The following IL10RA variants were observed in gnomAD, a reference collection of about 807,000 sequenced individuals.
IL10RA encodes interleukin-10 receptor subunit alpha.
In IL10RA, 18 loss-of-function variants were observed where a neutral mutation model predicts 29.6. The ratio of observed to expected loss-of-function variants is 0.61; its 90% CI spans 0.42 to 0.90. The LOEUF is 0.90. IL10RA is among the 40% of genes least tolerant of loss of function. The pLI is 0.00. For synonymous variants in IL10RA, 292 were observed against 294.1 expected, an observed-to-expected ratio of 0.99 and a Z score of 0.07; for missense variants, 634 against 716.6, an observed-to-expected ratio of 0.88 and a Z score of 1.32.
chr11:117,993,000 G>A, intron 3 of IL10RA: 2 of 533,614 alleles, frequency 3.7e-6, no homozygotes, highest in Admixed American at 6.5e-5. Flanking sequence ...TCAATTGTGG[G>A]TTTATTTCTG....
At chr11:117,991,035 A>G (rs542823429) in intron 3 of IL10RA, among the ~76,000 whole-genome samples, 1 of 152,244 alleles carries the variant, frequency 6.6e-6, no homozygotes, top group East Asian at 1.9e-4. Context: ...CATCTCTTCT[A>G]AAAATACAAA....
downstream of IL10RA, chr11:118,002,293 A>G (rs1407747355): frequency 6.6e-6 from 1 of 152,100 alleles, no homozygotes; most frequent in Non-Finnish European, 1.5e-5. Flanking sequence ...GGGACACCTC[A>G]CCTCTTTTCC....
chr11:117,999,638 G>C lies in IL10RA; in HGVS notation c.1734G>C (p.Glu578Asp), dbSNP rs776586591. 5 of 1,613,276 alleles carry C rather than the reference G, an allele frequency of 3.1e-6. No individual in the cohort carries two copies. The highest frequency in any genetic ancestry group is 4.2e-6 in the Non-Finnish European group (5 of 1,179,352). ...LPLISSLQSS[E>D] is the part of the protein sequence containing the mutation. ...TCATCTCTAGCCTGCAGTCAAGTGA[G>C]TGACTCGGGCTGAGAGGCTGCTTTT... The change falls in exon 7 of 7, where the codon GAG (glutamate) becomes GAC (aspartate). Residue 578 changes from glutamate to aspartate, a missense_variant. By Grantham distance (45) the Glu-to-Asp change is conservative (BLOSUM62 2). Transcript: ENST00000227752.
intron 2 of IL10RA, 57 bp downstream of exon 2, chr11:117,988,559 A>C (rs981426690): frequency 3.7e-6 from 6 of 1,600,322 alleles, no homozygotes; most frequent in Middle Eastern, 1.7e-4. Flanking sequence ...CTTGTCCTCT[A>C]CTCTCCTAGC....
At chr11:117,986,907 CT>C (rs1206898148) in intron 1 of IL10RA, 6 of 1,168,772 alleles carry the variant, frequency 5.1e-6, no homozygotes, top group Non-Finnish European at 6.9e-6. Context: ...ACTCTCCCTT[CT>C]CTTAGTCGAC....
At chr11:117,995,431 C>T (rs544773643) in intron 5 of IL10RA, 158 bp from the exon 6 acceptor site, 2 of 890,992 alleles carry the variant, frequency 2.2e-6, no homozygotes, top group Admixed American at 3.7e-5. Context: ...TTCGCAGAAA[C>T]CTAGACACAT....
rs946821158 is a variant in IL10RA, at chr11:117,999,568, G to A, written c.1664G>A (p.Gly555Asp). 5 of 1,614,080 alleles carry A rather than the reference G, an allele frequency of 3.1e-6. No homozygotes were observed. Among genetic ancestry groups the A allele is most frequent in the South Asian group, 1.1e-5 (1 of 91,092 alleles). The change falls in exon 7 of 7, where the codon GGT (glycine) becomes GAT (aspartate). Residue 555 changes from glycine (G) to aspartate (D), a missense_variant. By Grantham distance (94) the Gly-to-Asp change is moderately conservative (BLOSUM62 -1). Coordinates refer to ENST00000227752, the MANE Select transcript of IL10RA (RefSeq NM_001558.4). ...CCTCTAGGCTGTGTGGCAGCCCCAGGTGGTCTCCTGGGCAGCTTTAACTCA... is the reference window on the plus strand; with the variant it reads ...CCTCTAGGCTGTGTGGCAGCCCCAGATGGTCTCCTGGGCAGCTTTAACTCA... ...LAPLGCVAAP[G>D]GLLGSFNSDL... is the part of the protein sequence containing the mutation.
intron 6 of IL10RA, among the ~76,000 whole-genome samples, chr11:117,998,149 A>G (rs1374431142): frequency 6.6e-6 from 1 of 152,192 alleles, no homozygotes; most frequent in Non-Finnish European, 1.5e-5. Context: ...CTACTCGGGG[A>G]ATAGAAAACT....
intron 1 of IL10RA, 107 bp downstream of exon 1, chr11:117,986,641 C>T (rs969059122): frequency 6.5e-7 from 1 of 1,539,538 alleles, no homozygotes; most frequent in African/African-American, 1.4e-5. Flanking sequence ...TCTGGCAGAG[C>T]GGTGCCCGGG....
At chr11:117,986,735 T>A in intron 1 of IL10RA, 1 of 1,533,508 alleles carries the variant, frequency 6.5e-7, no homozygotes. Context: ...AACTGACGGA[T>A]TGGGAAGGAT....
chr11:117,999,319 G>T lies in IL10RA; in HGVS notation c.1415G>T (p.Gly472Val), dbSNP rs758014559. ...GAGGAAGAATCGCCCTTGACAGATG[G>T]CCTTGGCCCCAAATTCGGGAGATGC... is the stretch of plus-strand genomic sequence containing the variant. ...CLEEESPLTDGLGPKFGRCLV... is the reference protein window; with the variant it reads ...CLEEESPLTDVLGPKFGRCLV... The change falls in exon 7 of 7, where the codon GGC becomes GTC. Residue 472 changes from glycine (G) to valine (V), a missense_variant. Transcript: ENST00000227752. 1 of 1,614,120 alleles carries T rather than the reference G, an allele frequency of 6.2e-7. No individual in the cohort carries two copies. The highest frequency in any genetic ancestry group is 1.3e-5 in the African/African-American group (1 of 74,956).
intron 1 of IL10RA, 31 bp downstream of exon 1, chr11:117,986,565 C>T (rs2134979223): frequency 6.5e-7 from 1 of 1,550,052 alleles, no homozygotes; most frequent in East Asian, 2.4e-5. Flanking sequence ...CCTTCCCTGC[C>T]CTGCCCTCTC....
rs1292016629 is a variant in IL10RA at position 117,999,914 on chromosome 11, G to A, written c.*273G>A. ...ACTCTGGCAGAGCTGAGAAGGGCAG[G>A]GACCTTCTCCCTCCTAGGAACTCTT... is the stretch of plus-strand genomic sequence containing the variant. On this transcript the variant is annotated 3_prime_UTR_variant, in exon 7 of 7. Transcript: ENST00000227752. 1 of 643,686 alleles carries A rather than the reference G, an allele frequency of 1.6e-6. No homozygotes were observed. The highest frequency in any genetic ancestry group is 2.9e-6 in the Non-Finnish European group (1 of 348,636). 39.9% of individuals were successfully genotyped at this position (643,686 alleles called of 1,614,324 possible).
Position 117,993,245 on chromosome 11 carries a change from T to A in IL10RA, c.372T>A (p.Thr124=). ...CCCCACCCCAACTCCATTTAGTGACTCTGACAGTTGGCAGTGTGAACCTAG... is the reference window on the plus strand; with the variant it reads ...CCCCACCCCAACTCCATTTAGTGACACTGACAGTTGGCAGTGTGAACCTAG... ...TNTRFSVDEV[T]LTVGSVNLEI... is the part of the protein sequence containing the mutation. Residue 124 remains threonine (T), a synonymous_variant, in exon 4 of 7, where the codon ACT becomes ACA. Transcript: ENST00000227752. 1 of 1,613,868 alleles carries A rather than the reference T, an allele frequency of 6.2e-7. No individual in the cohort carries two copies. The highest frequency in any genetic ancestry group is 8.5e-7 in the Non-Finnish European group (1 of 1,179,858).
chr11:117,998,314 G>A (rs895756729), intron 6 of IL10RA, among the ~76,000 whole-genome samples: 1 of 152,124 alleles, frequency 6.6e-6, no homozygotes, highest in African/African-American at 2.4e-5. Flanking sequence ...TTACATACGG[G>A]TTATATATAC....
chr11:117,993,443 C>T, intron 4 of IL10RA, 33 bp downstream of exon 4: 1 of 1,596,180 alleles, frequency 6.3e-7, no homozygotes, highest in South Asian at 1.1e-5. Flanking sequence ...AGGGCCAGAA[C>T]TCCCTTGGCT....
downstream of IL10RA, chr11:118,002,654 G>C (rs560626738): frequency 1.3e-5 from 2 of 152,302 alleles, no homozygotes; most frequent in African/African-American, 4.8e-5. Context: ...GAAGTCAGAA[G>C]ACACAGCCCT....
In IL10RA at chr11:117,988,389, G is replaced by T. The variant is rs150140303; in HGVS notation, c.75G>T (p.Glu25Asp). Reference protein sequence around the residue: ...LRLGSDAHGTELPSPPSVWFE... With the variant: ...LRLGSDAHGTDLPSPPSVWFE... ...TGACACTCTTCTCCCCAGGGACAGA[G>T]CTGCCCAGCCCTCCGTCTGTGTGGT... is the stretch of plus-strand genomic sequence containing the variant. Residue 25 changes from glutamate to aspartate, a missense_variant, in exon 2 of 7, where the codon GAG becomes GAT. By Grantham distance (45) the Glu-to-Asp change is conservative (BLOSUM62 2). Coordinates refer to ENST00000227752, the MANE Select transcript of IL10RA (RefSeq NM_001558.4). 5.5e-4 allele frequency: 891 copies of T among 1,614,174 alleles called. 4 individuals are homozygous for T. In the African/African-American group the frequency reaches 0.01, roughly 18 times the overall value.
chr11:117,998,947 T>C lies in IL10RA; in HGVS notation c.1043T>C (p.Leu348Pro), dbSNP rs1375293322. ...CCTCACCCCCAGGCTGACAGAACGC[T>C]GGGAAACAGGGAGCCCCCTGTGCTG... ...PDPHPQADRT[L>P]GNREPPVLGD... Residue 348 changes from leucine to proline, a missense_variant, in exon 7 of 7, where the codon CTG (leucine) becomes CCG (proline). Physicochemically the swap from Leu to Pro is moderately conservative, Grantham distance 98. Coordinates refer to ENST00000227752, the MANE Select transcript of IL10RA (RefSeq NM_001558.4). The C allele has an allele frequency of 6.2e-7, 1 of 1,613,412 alleles. No homozygotes were observed. The highest frequency in any genetic ancestry group is 8.5e-7 in the Non-Finnish European group (1 of 1,179,490).
Sources: allele counts gnomAD v4.1 joint callset (sites outside exome capture counted in the v4.1 genomes callset), GRCh38; gene constraint gnomAD v4.1.1; transcripts MANE v1.5; gene names NCBI Gene and HGNC (gene_info 2026-07-23, HGNC 2026-07-21).